The following RPTOR variants were observed in gnomAD, a reference collection of about 807,000 sequenced individuals.
RPTOR encodes the protein regulatory associated protein of MTOR complex 1.
Under a neutral mutation model 169.9 loss-of-function variants are expected in RPTOR, and 21 were observed. That is an observed-to-expected ratio of 0.12 (90% CI 0.09 to 0.18). RPTOR has a LOEUF of 0.18. Ranked by LOEUF, RPTOR falls within the 10% of genes least tolerant of loss-of-function variation. The probability of loss-of-function intolerance (pLI) is 1.00; values close to 1 mark genes in which losing one functional copy is unlikely to be tolerated. For missense variants in RPTOR, 1,133 were observed against 1,855.9 expected, an observed-to-expected ratio of 0.61 and a Z score of 7.16; for synonymous variants, 732 against 753.2, an observed-to-expected ratio of 0.97 and a Z score of 0.46.
chr17:80,898,327 A>G (rs1842001376), intron 20 of RPTOR, among the ~76,000 whole-genome samples: 1 of 151,908 alleles, frequency 6.6e-6, no homozygotes, highest in South Asian at 2.1e-4. Context: ...GCCTCTTTAG[A>G]TATGTCCCCG....
chr17:80,788,533 C>A (rs1462629489), intron 6 of RPTOR, among the ~76,000 whole-genome samples: 1 of 152,112 alleles, frequency 6.6e-6, no homozygotes, highest in African/African-American at 2.4e-5. Context: ...AAAATAAAAA[C>A]ACCGCTCCAC....
chr17:80,895,078 G>A (rs115611556), intron 20 of RPTOR, among the ~76,000 whole-genome samples: 2,839 of 152,314 alleles, frequency 0.019, 86 homozygotes, highest in African/African-American at 0.065. Context: ...CAGTGAGGCC[G>A]GTTCTAGTTT....
rs560907734 is a variant in RPTOR, at chr17:80,951,138, C to T, written c.3370+1591C>T. On this transcript the variant is annotated intron_variant, in intron 28 of 33. Coordinates refer to ENST00000306801, the MANE Select transcript of RPTOR (RefSeq NM_020761.3). ...CCCGGAAGCATCCACACGTCCACAC[C>T]CGGCTGGCCCCAGGGTCCCTGAGAC... Among the ~76,000 whole-genome samples the T allele has an allele frequency of 4.0e-4, 61 of 151,662 alleles. No homozygotes were observed. In the Middle Eastern group the frequency reaches 0.017, roughly 43 times the overall value.
intron 3 of RPTOR, among the ~76,000 whole-genome samples, chr17:80,684,777 C>A (rs2143717946): frequency 6.6e-6 from 1 of 152,248 alleles, no homozygotes; most frequent in South Asian, 2.1e-4. Flanking sequence ...TCTTACATGG[C>A]AAGATAGTAT....
chr17:80,547,707 C>T (rs1599538095), intron 1 of RPTOR, among the ~76,000 whole-genome samples: 1 of 152,096 alleles, frequency 6.6e-6, no homozygotes, highest in Non-Finnish European at 1.5e-5. Context: ...CCTCAAGGAC[C>T]GTATCACACA....
intron 1 of RPTOR, among the ~76,000 whole-genome samples, chr17:80,620,337 T>G (rs971954144): frequency 1.3e-5 from 2 of 152,254 alleles, no homozygotes; most frequent in African/African-American, 4.8e-5. Flanking sequence ...TTAAATTTGA[T>G]AGCCCTTACA....
chr17:80,720,441 C>T (rs1246088814), intron 4 of RPTOR, among the ~76,000 whole-genome samples: 1 of 152,100 alleles, frequency 6.6e-6, no homozygotes, highest in Non-Finnish European at 1.5e-5. Context: ...TAGCGGTGTC[C>T]AAGAAAAAGT....
At chr17:80,572,379 G>A (rs185981258) in intron 1 of RPTOR, among the ~76,000 whole-genome samples, 11 of 151,730 alleles carry the variant, frequency 7.2e-5, no homozygotes. Context: ...AGCAGGCATA[G>A]GATATAAGAT....
rs571390415 is a variant in RPTOR, at chr17:80,871,561, C to T, written c.1510-8854C>T. On this transcript the variant is annotated intron_variant, in intron 13 of 33. Transcript: ENST00000306801. The stretch of plus-strand genomic sequence containing the variant: ...GTCCCCCGGGTGAAGCCGCTGCTGC[C>T]GCCCCTTCCGGAATGGGCTGCTCTT... Among the ~76,000 whole-genome samples the T allele has an allele frequency of 1.4e-4, 22 of 152,292 alleles. No individual in the cohort carries two copies. The South Asian group carries it at 2.1e-3, about 14-fold the overall frequency.
intron 21 of RPTOR, among the ~76,000 whole-genome samples, chr17:80,910,573 T>C (rs1241319135): frequency 2.6e-5 from 4 of 152,182 alleles, no homozygotes; most frequent in Admixed American, 2.6e-4. Flanking sequence ...TATCACTCAG[T>C]GCCAGGGTCT....
chr17:80,619,725 G>A (rs1033179259), intron 1 of RPTOR, among the ~76,000 whole-genome samples: 5 of 152,212 alleles, frequency 3.3e-5, no homozygotes, highest in Admixed American at 3.3e-4. Flanking sequence ...AGTGTTGGGT[G>A]CTGCTCCAAA....
At chr17:80,615,589 T>C (rs1347221583) in intron 1 of RPTOR, among the ~76,000 whole-genome samples, 1 of 152,220 alleles carries the variant, frequency 6.6e-6, no homozygotes, top group African/African-American at 2.4e-5. Context: ...GCAAGACCTT[T>C]GATTCACCCA....
Position 80,659,596 on chromosome 17 carries a change from A to G in RPTOR, c.348+15786A>G, listed in dbSNP as rs749234156. Among the ~76,000 whole-genome samples, 3 of 151,802 alleles carry G rather than the reference A, an allele frequency of 2.0e-5. No homozygotes were observed. The highest frequency in any genetic ancestry group is 4.4e-5 in the Non-Finnish European group (3 of 67,952). On this transcript the variant is annotated intron_variant, in intron 3 of 33. Coordinates refer to ENST00000306801, the MANE Select transcript of RPTOR (RefSeq NM_020761.3). This position sits in a 1 kb window ranked among gnomAD's most constrained non-coding sequence, Gnocchi z 4.3. ...ATCTTGGCTCACTGCAACCTCTGCC[A>G]CCTGGGTTTAAGCAATTCTCCTGCC... is the stretch of plus-strand genomic sequence containing the variant.
chr17:80,833,989 A>T (rs545840394), intron 9 of RPTOR, among the ~76,000 whole-genome samples: 1 of 152,380 alleles, frequency 6.6e-6, no homozygotes, highest in South Asian at 2.1e-4. Flanking sequence ...ACTCCGTCTC[A>T]AAAAACAAAA....
At chr17:80,939,633 T>C (rs2068998605) in intron 24 of RPTOR, among the ~76,000 whole-genome samples, 1 of 152,098 alleles carries the variant, frequency 6.6e-6, no homozygotes, top group South Asian at 2.1e-4. Flanking sequence ...CCCAGGAAGG[T>C]CCCACACTCT....
chr17:80,626,006 A>G (rs1436289837), intron 2 of RPTOR, among the ~76,000 whole-genome samples: 1 of 152,114 alleles, frequency 6.6e-6, no homozygotes, highest in Admixed American at 6.5e-5. Context: ...AAAAATCAAT[A>G]CAGTGATGAT....
At chr17:80,731,443 T>C (rs2066392656) in intron 5 of RPTOR, among the ~76,000 whole-genome samples, 1 of 152,028 alleles carries the variant, frequency 6.6e-6, no homozygotes, top group South Asian at 2.1e-4. Context: ...GCTAAAATGA[T>C]AGAAAACAAA....
chr17:80,634,880 CATACTT>C, intron 2 of RPTOR, among the ~76,000 whole-genome samples: 1 of 132,284 alleles, frequency 7.6e-6, no homozygotes. Context: ...ATACTGTGTG[CATACTT>C]TGTGTGTGCA....
At chr17:80,864,215 A>G (rs1240727016) in intron 13 of RPTOR, among the ~76,000 whole-genome samples, 1 of 152,212 alleles carries the variant, frequency 6.6e-6, no homozygotes, top group Non-Finnish European at 1.5e-5. Flanking sequence ...AAAAACAGTG[A>G]GAAATTCAAA....
Sources: allele counts gnomAD v4.1 joint callset (sites outside exome capture counted in the v4.1 genomes callset), GRCh38; gene constraint gnomAD v4.1.1; non-coding constraint Gnocchi (gnomAD v3.1); transcripts MANE v1.5; gene names NCBI Gene and HGNC (gene_info 2026-07-23, HGNC 2026-07-21).